DIAPH3: variants seen among roughly 807,000 people sequenced by gnomAD.
DIAPH3 encodes protein diaphanous homolog 3.
In DIAPH3, 117 loss-of-function variants were observed where a neutral mutation model predicts 144.3. The observed-to-expected ratio is 0.81, with a 90% CI of 0.70 to 0.95. DIAPH3 has a LOEUF of 0.95. Ranked by LOEUF, DIAPH3 falls within the 40% of genes least tolerant of loss-of-function variation. The pLI, the probability that DIAPH3 is intolerant of heterozygous loss-of-function variation, is 0.00. For synonymous variants in DIAPH3, 519 were observed against 488.9 expected (o/e 1.06, Z -0.81); for missense variants, 1,421 against 1,412.7 (o/e 1.01, Z -0.09).
At chr13:60,075,670 T>A (rs2057354798) in intron 4 of DIAPH3, among the ~76,000 whole-genome samples, 1 of 152,176 alleles carries the variant, frequency 6.6e-6, no homozygotes. Flanking sequence ...CAAAGAAATC[T>A]ATAGTGATGA....
chr13:60,057,478 A>T (rs2056602448), intron 4 of DIAPH3, among the ~76,000 whole-genome samples: 1 of 152,040 alleles, frequency 6.6e-6, no homozygotes, highest in East Asian at 1.9e-4. Flanking sequence ...ACCTAAAGCA[A>T]TCTACAGATT....
chr13:59,716,815 T>G (rs886295396), intron 27 of DIAPH3, among the ~76,000 whole-genome samples: 5 of 152,188 alleles, frequency 3.3e-5, no homozygotes, highest in South Asian at 2.1e-4. Flanking sequence ...GTGTTTAAAA[T>G]ATATCACTCA....
intron 13 of DIAPH3, among the ~76,000 whole-genome samples, chr13:59,982,225 T>A (rs1395556430): frequency 1.3e-5 from 2 of 151,458 alleles, no homozygotes; most frequent in African/African-American, 2.4e-5. Flanking sequence ...TAAGCACGCA[T>A]CACTTATACA....
Position 60,104,634 on chromosome 13 carries a change from A to G in DIAPH3, c.390+7376T>C, listed in dbSNP as rs141176238. Among the ~76,000 whole-genome samples, 1,022 of 151,902 alleles carry G rather than the reference A, an allele frequency of 6.7e-3. 12 individuals are homozygous for G. Among genetic ancestry groups the G allele is most frequent in the African/African-American group, 0.022 (919 of 41,456 alleles). Reference sequence around the variant, plus strand: ...GAAATTTAAATATCACTTTTCTTTCATATACTGTAAATTTTAGCAGAACAG... The same window carrying G: ...GAAATTTAAATATCACTTTTCTTTCGTATACTGTAAATTTTAGCAGAACAG... On this transcript the variant is annotated intron_variant, in intron 3 of 27. Transcript: ENST00000400324.
intron 25 of DIAPH3, among the ~76,000 whole-genome samples, chr13:59,779,875 G>A (rs973922942): frequency 4.6e-5 from 7 of 152,092 alleles, no homozygotes; most frequent in African/African-American, 1.4e-4. Context: ...TCATTTCTAA[G>A]AAAAACTCTG....
At chr13:60,112,213 G>A (rs757168797) in intron 2 of DIAPH3, 27 bp from the exon 3 acceptor site, 55 of 1,612,382 alleles carry the variant, frequency 3.4e-5, no homozygotes, top group African/African-American at 1.5e-4. Flanking sequence ...AATGACACAC[G>A]TGTAAGTATT....
Position 59,854,091 on chromosome 13 carries a change from T to C in DIAPH3, c.2737+7316A>G, listed in dbSNP as rs560891431. Among the ~76,000 whole-genome samples, 4 of 152,132 alleles carry C rather than the reference T, an allele frequency of 2.6e-5. No individual in the cohort carries two copies. The East Asian group carries it at 7.7e-4, about 29-fold the overall frequency. Reference sequence around the variant, plus strand: ...GACATCATCCAATGACTAGTGTCCATAAGCAGAGGTGAGGACCCCGAGAGA... The same window carrying C: ...GACATCATCCAATGACTAGTGTCCACAAGCAGAGGTGAGGACCCCGAGAGA... On this transcript the variant is annotated intron_variant, in intron 22 of 27. Transcript: ENST00000400324.
intron 27 of DIAPH3, among the ~76,000 whole-genome samples, chr13:59,702,442 GTTTA>G (rs1480205889): frequency 1.3e-5 from 2 of 152,184 alleles, no homozygotes; most frequent in African/African-American, 2.4e-5. Flanking sequence ...TGGAAAAGCT[GTTTA>G]TTTAAAATAT....
At chr13:59,866,981 T>C (rs1037428591) in intron 21 of DIAPH3, among the ~76,000 whole-genome samples, 1 of 151,148 alleles carries the variant, frequency 6.6e-6, no homozygotes, top group Non-Finnish European at 1.5e-5. Flanking sequence ...GGTATGTACG[T>C]GTGCTTGTGT....
Position 59,756,494 on chromosome 13 carries a change from A to AAGGC in DIAPH3, c.3319+17691_3319+17694dup, listed in dbSNP as rs200670343. On this transcript the variant is annotated intron_variant, in intron 27 of 27. Coordinates refer to ENST00000400324, the MANE Select transcript of DIAPH3 (RefSeq NM_001042517.2). Reference sequence around the variant, plus strand: ...GAAGGAAGGAAGGAAGGAGGGAAGGAAGGCAGGCAGGCAGGCAGGTAGTCA... The same window carrying AAGGC: ...GAAGGAAGGAAGGAAGGAGGGAAGGAAGGCAGGCAGGCAGGCAGGCAGGTAGTCA... Among the ~76,000 whole-genome samples, 268 of 139,988 alleles carry AAGGC rather than the reference A, an allele frequency of 1.9e-3. 1 individual carries two copies. The highest frequency in any genetic ancestry group is 5.9e-3 in the African/African-American group (228 of 38,680). The allele number at this position is 139,988 out of a possible 152,430, so 91.8% of individuals were successfully genotyped here. A position where few individuals can be genotyped will look rare whatever the true frequency, so the allele number is the denominator to read the frequency against.
At chr13:59,729,296 A>G (rs1032152594) in intron 27 of DIAPH3, among the ~76,000 whole-genome samples, 1 of 152,136 alleles carries the variant, frequency 6.6e-6, no homozygotes, top group African/African-American at 2.4e-5. Context: ...CTGAAATCAT[A>G]TTGTCTCTTT....
Position 60,063,498 on chromosome 13 carries a change from G to T in DIAPH3, c.496-20678C>A, listed in dbSNP as rs145717183. 3.2e-4 allele frequency among the ~76,000 whole-genome samples: 48 copies of T among 152,234 alleles called. No individual in the cohort carries two copies. In the East Asian group the frequency reaches 9.3e-3, roughly 29 times the overall value. The stretch of plus-strand genomic sequence containing the variant: ...TAGAATGGTGAATCCTATCCAGAAG[G>T]TTTTCCATGAGAGGAGTCACTATCT... On this transcript the variant is annotated intron_variant, in intron 4 of 27. Transcript: ENST00000400324.
In DIAPH3 at chr13:59,924,769, A is replaced by G; in HGVS notation, c.2170+6T>C. On this transcript the variant is annotated splice_donor_region_variant and intron_variant, in intron 18 of 27. Coordinates refer to ENST00000400324, the MANE Select transcript of DIAPH3 (RefSeq NM_001042517.2). ...TCTTTGAATGGTATTGGAATATGATACTTACAAAGGTTCTGGGCAATTTTA... is the reference window on the plus strand; with the variant it reads ...TCTTTGAATGGTATTGGAATATGATGCTTACAAAGGTTCTGGGCAATTTTA... 6.3e-7 allele frequency: 1 copy of G among 1,599,678 alleles called. No homozygotes were observed.
At chr13:60,099,951 G>GGAAGGAAGGAAGGAAGGAAGGAAA (rs2058221621) in intron 3 of DIAPH3, among the ~76,000 whole-genome samples, 9 of 140,198 alleles carry the variant, frequency 6.4e-5, no homozygotes, top group African/African-American at 2.5e-4. Context: ...AAGGAAGGAA[G>GGAAGGAAGGAAGGAAGGAAGGAAA]GAAGGAAGGA....
intron 22 of DIAPH3, among the ~76,000 whole-genome samples, chr13:59,846,649 CA>C (rs1428871615): frequency 6.6e-6 from 1 of 151,892 alleles, no homozygotes; most frequent in Non-Finnish European, 1.5e-5. Flanking sequence ...AGGTCTACAA[CA>C]AAACCTAAAT....
At chr13:59,872,196 A>G (rs2044322006) in intron 21 of DIAPH3, among the ~76,000 whole-genome samples, 1 of 152,184 alleles carries the variant, frequency 6.6e-6, no homozygotes, top group Non-Finnish European at 1.5e-5. Flanking sequence ...ATTTTCTAAT[A>G]TAGGCACTTG....
intron 27 of DIAPH3, among the ~76,000 whole-genome samples, chr13:59,676,784 G>A (rs1216433546): frequency 2.0e-5 from 3 of 152,064 alleles, no homozygotes; most frequent in African/African-American, 7.2e-5. Context: ...GTTGATTTTT[G>A]ATATGCATTT....
intron 4 of DIAPH3, 73 bp downstream of exon 4, chr13:60,093,555 C>T: frequency 9.9e-7 from 1 of 1,008,862 alleles, no homozygotes; most frequent in Non-Finnish European, 1.5e-6. Flanking sequence ...TTAAGTACTT[C>T]ATTAGATAAA....
chr13:60,071,917 C>T (rs1205825217), intron 4 of DIAPH3, among the ~76,000 whole-genome samples: 2 of 152,056 alleles, frequency 1.3e-5, no homozygotes, highest in Non-Finnish European at 2.9e-5. Context: ...TTCTACAAAC[C>T]TTTCAACCAC....
Sources: allele counts gnomAD v4.1 joint callset (sites outside exome capture counted in the v4.1 genomes callset), GRCh38; gene constraint gnomAD v4.1.1; transcripts MANE v1.5; gene names NCBI Gene and HGNC (gene_info 2026-07-23, HGNC 2026-07-21).